Variants in DLC1 observed in about 807,000 individuals in gnomAD.
DLC1 encodes the protein rho GTPase-activating protein 7.
A neutral mutation model predicts 140.3 loss-of-function variants in DLC1; 54 were observed. That is an observed-to-expected ratio of 0.38 (90% CI 0.31 to 0.48). DLC1 has a LOEUF of 0.48. DLC1 is among the 20% of genes least tolerant of loss of function. The pLI is 0.96. For synonymous variants in DLC1, 986 were observed against 728.1 expected, an observed-to-expected ratio of 1.35 and a Z score of -5.70; for missense variants, 2,536 against 1,907.0, an observed-to-expected ratio of 1.33 and a Z score of -6.14.
chr8:13,218,847 A>T (rs370249463), intron 5 of DLC1, among the ~76,000 whole-genome samples: 1 of 123,830 alleles, frequency 8.1e-6, no homozygotes, highest in African/African-American at 3.3e-5. Flanking sequence ...TATGAATATA[A>T]TTATATAATT....
At chr8:13,470,057 A>T (rs2117065125) in intron 2 of DLC1, among the ~76,000 whole-genome samples, 1 of 152,206 alleles carries the variant, frequency 6.6e-6, no homozygotes, top group African/African-American at 2.4e-5. Flanking sequence ...GTGCTCAGCC[A>T]CCCATTCAAC....
chr8:13,272,747 G>C (rs1046994900), intron 5 of DLC1, among the ~76,000 whole-genome samples: 1 of 152,066 alleles, frequency 6.6e-6, no homozygotes, highest in Non-Finnish European at 1.5e-5. Context: ...GGTGGTGGGC[G>C]CCTGTAGTCC....
At chr8:13,116,349 T>A in intron 5 of DLC1, 1 of 486,648 alleles carries the variant, frequency 2.1e-6, no homozygotes, top group Non-Finnish European at 2.7e-6. Flanking sequence ...CAAGAGCAAC[T>A]GACACACTGT....
At position 13,546,648 on chromosome 8, in the gene DLC1, C is replaced by A. The variant is rs73561351; in HGVS notation, c.-125-46452G>T. ...AACCAGGGCCCTCTGCTCTCTTGGA[C>A]CTTTTATTCCAGAATTCACTCAGTC... On this transcript the variant is annotated intron_variant, in intron 1 of 1. Transcript: ENST00000631382. Among the ~76,000 whole-genome samples the A allele has an allele frequency of 3.8e-3, 571 of 152,234 alleles. 7 individuals are homozygous for A. The highest frequency in any genetic ancestry group is 0.013 in the African/African-American group (538 of 41,554).
At chr8:13,459,372 C>T (rs1472939478) in intron 2 of DLC1, among the ~76,000 whole-genome samples, 1 of 152,114 alleles carries the variant, frequency 6.6e-6, no homozygotes, top group East Asian at 1.9e-4. Context: ...GATTCCAAGC[C>T]ATGGCTTTCT....
chr8:13,559,409 G>A (rs1804166285), intron 1 of DLC1: 1 of 152,196 alleles, frequency 6.6e-6, no homozygotes, highest in South Asian at 2.1e-4. Context: ...GAGATAAAAT[G>A]AGTTTAGCCT....
intron 1 of DLC1, among the ~76,000 whole-genome samples, chr8:13,525,203 T>C (rs991448915): frequency 6.6e-6 from 1 of 152,246 alleles, no homozygotes; most frequent in African/African-American, 2.4e-5. Context: ...ATTGGAGGAA[T>C]ATATCACGAT....
chr8:13,571,237 G>T (rs78168142), intron 1 of DLC1, among the ~76,000 whole-genome samples: 8,666 of 151,542 alleles, frequency 0.057, 667 homozygotes, highest in East Asian at 0.27. Context: ...ACAGAAATTT[G>T]CCACTTGAAC....
intron 1 of DLC1, among the ~76,000 whole-genome samples, chr8:13,570,611 C>T (rs1408079242): frequency 6.6e-6 from 1 of 150,670 alleles, no homozygotes; most frequent in East Asian, 1.9e-4. Context: ...CATGTCCCTA[C>T]AAAGGACATG....
chr8:13,249,703 C>G (rs547674078), intron 5 of DLC1, among the ~76,000 whole-genome samples: 2 of 152,346 alleles, frequency 1.3e-5, no homozygotes, highest in South Asian at 2.1e-4. Flanking sequence ...ATGCTAAAGT[C>G]TCTTCCATCC....
chr8:13,568,114 G>C (rs937689539), intron 1 of DLC1: 2 of 778,576 alleles, frequency 2.6e-6, no homozygotes, highest in Non-Finnish European at 3.9e-6. Flanking sequence ...AGTTGGAATA[G>C]TTATAAAAAC....
Position 13,534,576 on chromosome 8 carries a change from C to A in DLC1, c.-125-34380G>T, listed in dbSNP as rs555498212. 3.8e-4 allele frequency among the ~76,000 whole-genome samples: 58 copies of A among 152,240 alleles called. 2 individuals carry two copies. In the South Asian group the frequency reaches 0.012, roughly 31 times the overall value. ...TCTGCTTCATAAGAAGCAGAGATAT[C>A]TCTTTGCTCTGCAGACCCTAAGTGG... On this transcript the variant is annotated intron_variant, in intron 1 of 1. Transcript: ENST00000631382.
chr8:13,561,021 G>C (rs1451492458), intron 1 of DLC1, among the ~76,000 whole-genome samples: 3 of 152,000 alleles, frequency 2.0e-5, no homozygotes, highest in African/African-American at 7.3e-5. Context: ...CATTTGGAAT[G>C]TCTAGGCTCA....
At chr8:13,405,284 T>C (rs1837475953) in intron 2 of DLC1, among the ~76,000 whole-genome samples, 1 of 152,144 alleles carries the variant, frequency 6.6e-6, no homozygotes, top group Non-Finnish European at 1.5e-5. Flanking sequence ...TTTTCAACCC[T>C]TGCCTCCCTC....
rs535797325 is a variant in DLC1, at chr8:13,438,604, G to A, written c.1024-36985C>T. On this transcript the variant is annotated intron_variant, in intron 2 of 17. Coordinates refer to ENST00000276297, the MANE Select transcript of DLC1 (RefSeq NM_182643.3). ...CTCCTACCACCCACGCAACACTCAC[G>A]TCACTTTCCTTACCCTGGATTCACA... is the stretch of plus-strand genomic sequence containing the variant. Among the ~76,000 whole-genome samples the A allele has an allele frequency of 2.6e-5, 4 of 152,126 alleles. No homozygotes were observed. The South Asian group carries it at 6.2e-4, about 24-fold the overall frequency.
At chr8:13,389,518 T>G (rs1167904670) in intron 4 of DLC1, among the ~76,000 whole-genome samples, 1 of 152,152 alleles carries the variant, frequency 6.6e-6, no homozygotes, top group African/African-American at 2.4e-5. Flanking sequence ...AAGCCTCTTC[T>G]TTTTTCTAAT....
chr8:13,513,321 A>T (rs1183271333), intron 1 of DLC1, among the ~76,000 whole-genome samples: 1 of 152,158 alleles, frequency 6.6e-6, no homozygotes, highest in Non-Finnish European at 1.5e-5. Context: ...TATCTTCCAC[A>T]TATATAAAAA....
At chr8:13,180,449 G>A (rs1387271462) in intron 5 of DLC1, among the ~76,000 whole-genome samples, 1 of 152,052 alleles carries the variant, frequency 6.6e-6, no homozygotes, top group African/African-American at 2.4e-5. Flanking sequence ...GCCAGACACT[G>A]TGAAAAATCA....
At chr8:13,460,464 C>G (rs770417324) in intron 2 of DLC1, among the ~76,000 whole-genome samples, 1 of 152,202 alleles carries the variant, frequency 6.6e-6, no homozygotes, top group African/African-American at 2.4e-5. Context: ...TGTGTGTGGG[C>G]TTTGCAAAGG....
Sources: gnomAD v4.1 joint callset for allele counts (sites outside exome capture counted in the v4.1 genomes callset) on GRCh38, gnomAD v4.1.1 for gene constraint, MANE v1.5 for transcripts, NCBI Gene and HGNC (gene_info 2026-07-23, HGNC 2026-07-21) for gene names.